Variants in CDIN1 observed in about 807,000 individuals in gnomAD.
CDIN1 encodes CDAN1 interacting nuclease 1.
A neutral mutation model predicts 45.3 loss-of-function variants in CDIN1; 33 were observed. The observed-to-expected ratio is 0.73, with a 90% CI of 0.55 to 0.97. The LOEUF is 0.97. Among genes scored for constraint, CDIN1 ranks in the 50% least tolerant of loss-of-function variants. The pLI, the probability that CDIN1 is intolerant of heterozygous loss-of-function variation, is 0.00. For synonymous variants in CDIN1, 118 were observed against 124.4 expected (o/e 0.95, Z 0.34); for missense variants, 303 against 339.4 (o/e 0.89, Z 0.84).
intron 10 of CDIN1, among the ~76,000 whole-genome samples, chr15:36,801,784 T>C (rs1038756856): frequency 2.0e-5 from 3 of 152,214 alleles, no homozygotes; most frequent in African/African-American, 7.2e-5. Flanking sequence ...AGGTTTAAAA[T>C]ATGCTCCCTC....
chr15:36,691,814 G>A (rs752488234), intron 6 of CDIN1, 50 bp downstream of exon 6: 2 of 1,346,570 alleles, frequency 1.5e-6, no homozygotes, highest in Non-Finnish European at 2.1e-6. Context: ...TATCTGCCTA[G>A]CAGAGTAAAG....
At chr15:36,752,807 T>C (rs2053509777) in intron 10 of CDIN1, among the ~76,000 whole-genome samples, 1 of 152,154 alleles carries the variant, frequency 6.6e-6, no homozygotes, top group South Asian at 2.1e-4. Context: ...GTTCTGAGGG[T>C]ATGTATCTAA....
chr15:36,692,062 A>T (rs2064768150), intron 6 of CDIN1, 64 bp from the exon 7 acceptor site: 2 of 1,480,640 alleles, frequency 1.4e-6, no homozygotes, highest in African/African-American at 2.8e-5. Context: ...CTTTTAGGAT[A>T]TTGTTTACTG....
At chr15:36,759,942 G>A (rs183631270) in intron 10 of CDIN1, among the ~76,000 whole-genome samples, 29 of 152,256 alleles carry the variant, frequency 1.9e-4, no homozygotes, top group African/African-American at 6.5e-4. Context: ...CCTCCCACCA[G>A]GCCCCACCTC....
intron 10 of CDIN1, among the ~76,000 whole-genome samples, chr15:36,786,366 A>T (rs2141069806): frequency 6.6e-6 from 1 of 152,294 alleles, no homozygotes; most frequent in South Asian, 2.1e-4. Context: ...AAAAAATTAT[A>T]ATATTTCTGA....
intron 5 of CDIN1, among the ~76,000 whole-genome samples, chr15:36,674,612 C>A (rs762627893): frequency 2.6e-5 from 4 of 152,050 alleles, no homozygotes; most frequent in Non-Finnish European, 5.9e-5. Context: ...GCAGAAAAAT[C>A]AATCAAAATG....
At chr15:36,721,803 T>G (rs1354653057) in intron 10 of CDIN1, among the ~76,000 whole-genome samples, 1 of 151,948 alleles carries the variant, frequency 6.6e-6, no homozygotes. Flanking sequence ...TGTCTGTCTG[T>G]CTCTGTGGGC....
In CDIN1 at chr15:36,709,263, A is replaced by G; in HGVS notation, c.585A>G (p.Pro195=). 6.2e-7 allele frequency: 1 copy of G among 1,602,516 alleles called. No individual in the cohort carries two copies. Among genetic ancestry groups the G allele is most frequent in the Non-Finnish European group, 8.5e-7 (1 of 1,173,938 alleles). Residue 195 remains proline, a synonymous_variant, in exon 9 of 11, where the codon CCA becomes CCG. Coordinates refer to ENST00000566621, the MANE Select transcript of CDIN1 (RefSeq NM_001321759.2). ...QLRAKGYDKT[P]DFILQVPVAV... ...GTGCAAAGGGTTATGACAAAACACC[A>G]GACTTCATTTTACAAGTACCAGTTG...
chr15:36,673,951 G>A (rs946045607), intron 5 of CDIN1, among the ~76,000 whole-genome samples: 2 of 151,866 alleles, frequency 1.3e-5, no homozygotes, highest in African/African-American at 4.8e-5. Context: ...TGAAAGTAAC[G>A]GAATTTTTCT....
intron 10 of CDIN1, among the ~76,000 whole-genome samples, chr15:36,738,510 C>A (rs1194353430): frequency 2.0e-5 from 3 of 152,120 alleles, no homozygotes; most frequent in Admixed American, 6.6e-5. Context: ...GTTCTGACCT[C>A]ATCTCCTACC....
chr15:36,582,311 T>C (rs1190047397), intron 1 of CDIN1, among the ~76,000 whole-genome samples: 1 of 152,248 alleles, frequency 6.6e-6, no homozygotes, highest in East Asian at 1.9e-4. Context: ...CATCATACTT[T>C]GATATGAAGT....
intron 1 of CDIN1, among the ~76,000 whole-genome samples, chr15:36,585,001 T>C (rs183791069): frequency 6.6e-6 from 1 of 152,362 alleles, no homozygotes; most frequent in East Asian, 1.9e-4. Context: ...GACATATTTA[T>C]TGATTGACAT....
chr15:36,774,089 G>T (rs544773792), intron 10 of CDIN1, among the ~76,000 whole-genome samples: 1 of 151,704 alleles, frequency 6.6e-6, no homozygotes, highest in Non-Finnish European at 1.5e-5. Context: ...GTTTAGGGCC[G>T]CCTTCCCACA....
intron 1 of CDIN1, among the ~76,000 whole-genome samples, chr15:36,580,342 G>A (rs887028221): frequency 6.6e-6 from 1 of 152,154 alleles, no homozygotes; most frequent in African/African-American, 2.4e-5. Context: ...AGCAAATGGA[G>A]GACCCTTTTC....
At chr15:36,771,362 AAAC>A (rs993672942) in intron 10 of CDIN1, among the ~76,000 whole-genome samples, 1 of 152,166 alleles carries the variant, frequency 6.6e-6, no homozygotes, top group Non-Finnish European at 1.5e-5. Context: ...AAAAAATAAA[AAAC>A]AACAAAAAAA....
chr15:36,679,528 TGCTCATAACC>T (rs1057311914), intron 5 of CDIN1, among the ~76,000 whole-genome samples: 10 of 152,198 alleles, frequency 6.6e-5, no homozygotes, highest in African/African-American at 2.4e-4. Flanking sequence ...TTCTAGACTC[TGCTCATAACC>T]GCTTATCCTT....
At chr15:36,754,100 G>C (rs72708614) in intron 10 of CDIN1, among the ~76,000 whole-genome samples, 1 of 152,006 alleles carries the variant, frequency 6.6e-6, no homozygotes, top group Non-Finnish European at 1.5e-5. Context: ...AGACTTATGC[G>C]TGGGTATGCA....
intron 1 of CDIN1, among the ~76,000 whole-genome samples, chr15:36,601,387 G>A (rs2038094436): frequency 6.6e-6 from 1 of 152,132 alleles, no homozygotes; most frequent in Non-Finnish European, 1.5e-5. Flanking sequence ...GATTCAGATG[G>A]AGACTAGTGT....
intron 5 of CDIN1, among the ~76,000 whole-genome samples, chr15:36,688,461 T>G (rs1397101273): frequency 6.6e-6 from 1 of 152,190 alleles, no homozygotes; most frequent in East Asian, 1.9e-4. Flanking sequence ...GTCTCTCCTA[T>G]TCTTGTGAAT....
Sources: allele counts gnomAD v4.1 joint callset (sites outside exome capture counted in the v4.1 genomes callset), GRCh38; gene constraint gnomAD v4.1.1; transcripts MANE v1.5; gene names NCBI Gene and HGNC (gene_info 2026-07-23, HGNC 2026-07-21).